Variants in PDE4D observed in about 807,000 individuals in gnomAD.
The protein encoded by PDE4D is phosphodiesterase 4D, also known as 3',5'-cyclic-AMP phosphodiesterase 4D.
PDE4D carries 24 observed loss-of-function variants against 87.4 expected under a neutral mutation model. That is an observed-to-expected ratio of 0.27 (90% confidence interval 0.20 to 0.39). PDE4D has a LOEUF of 0.39. Ranked by LOEUF, PDE4D falls within the 10% of genes least tolerant of loss-of-function variation. The pLI is 1.00. For missense variants in PDE4D, 714 were observed against 1,041.0 expected (o/e 0.69, Z 4.32); for synonymous variants, 384 against 383.2 (o/e 1.00, Z -0.02).
Position 59,561,851 on chromosome 5 carries a change from G to C in PDE4D, c.455+331317C>G, listed in dbSNP as rs369894747. ...GGAGGCTGAGGCCGGAGAATTGCTTGAACCCGGGAGGCAGATGTTGCAGTG... is the reference window on the plus strand; with the variant it reads ...GGAGGCTGAGGCCGGAGAATTGCTTCAACCCGGGAGGCAGATGTTGCAGTG... On this transcript the variant is annotated intron_variant, in intron 1 of 14. Coordinates refer to ENST00000340635, the MANE Select transcript of PDE4D (RefSeq NM_001104631.2). Among the ~76,000 whole-genome samples, 10 of 151,642 alleles carry C rather than the reference G, an allele frequency of 6.6e-5. No homozygotes were observed. The South Asian group carries it at 1.3e-3, about 19-fold the overall frequency.
At chr5:59,814,846 G>T (rs186424123) in intron 1 of PDE4D, among the ~76,000 whole-genome samples, 1 of 152,168 alleles carries the variant, frequency 6.6e-6, no homozygotes, top group East Asian at 1.9e-4. Flanking sequence ...AAAAAAAAAT[G>T]GGTTATGATG....
At chr5:59,874,997 G>A (rs2152740709) in intron 1 of PDE4D, among the ~76,000 whole-genome samples, 1 of 152,272 alleles carries the variant, frequency 6.6e-6, no homozygotes. Flanking sequence ...TCCAGGCAAT[G>A]CAGAAAAATC....
intron 1 of PDE4D, among the ~76,000 whole-genome samples, chr5:59,468,384 G>A (rs1801913788): frequency 6.6e-6 from 1 of 151,930 alleles, no homozygotes; most frequent in Non-Finnish European, 1.5e-5. Flanking sequence ...TCTACATCAG[G>A]CAGCTGCATT....
At chr5:60,417,051 C>T (rs1026502900) in intron 1 of PDE4D, among the ~76,000 whole-genome samples, 1 of 152,198 alleles carries the variant, frequency 6.6e-6, no homozygotes, top group African/African-American at 2.4e-5. Context: ...TGTCCAGACT[C>T]ATTTGTACTG....
chr5:60,227,489 G>T (rs1745252731), intron 1 of PDE4D, among the ~76,000 whole-genome samples: 1 of 150,996 alleles, frequency 6.6e-6, no homozygotes, highest in African/African-American at 2.4e-5. Context: ...TTGAACAAAT[G>T]ATTGTGTGAT....
At chr5:59,356,703 G>A in intron 1 of PDE4D, 1 of 1,428,242 alleles carries the variant, frequency 7.0e-7, no homozygotes, top group Non-Finnish European at 9.4e-7. Flanking sequence ...TTATTTGCAA[G>A]GGGCCTAAGG....
At chr5:59,500,423 C>A (rs1258627444) in intron 1 of PDE4D, among the ~76,000 whole-genome samples, 1 of 152,102 alleles carries the variant, frequency 6.6e-6, no homozygotes, top group African/African-American at 2.4e-5. Flanking sequence ...TACTATACAG[C>A]CATAAAAAGA....
At chr5:59,636,406 G>A (rs980312510) in intron 1 of PDE4D, among the ~76,000 whole-genome samples, 20 of 152,058 alleles carry the variant, frequency 1.3e-4, no homozygotes, top group Non-Finnish European at 2.4e-4. Context: ...GGAACCAAAA[G>A]AGAGCCCGTA....
chr5:60,197,094 T>G (rs144365858), intron 1 of PDE4D, among the ~76,000 whole-genome samples: 1 of 140,826 alleles, frequency 7.1e-6, no homozygotes. Context: ...GATAGATAGA[T>G]AGATAGATAG....
intron 1 of PDE4D, among the ~76,000 whole-genome samples, chr5:59,616,677 A>T (rs1375906629): frequency 1.3e-5 from 2 of 151,952 alleles, no homozygotes; most frequent in African/African-American, 4.8e-5. Context: ...AATAAAAGTA[A>T]ACTGCTAAAG....
At chr5:59,202,346 G>C (rs1459525286) in intron 2 of PDE4D, among the ~76,000 whole-genome samples, 1 of 151,590 alleles carries the variant, frequency 6.6e-6, no homozygotes, top group Non-Finnish European at 1.5e-5. Flanking sequence ...CGCCCGTTTT[G>C]ATCATTTTAA....
At chr5:59,050,068 A>G (rs1761301178) in intron 5 of PDE4D, among the ~76,000 whole-genome samples, 1 of 152,208 alleles carries the variant, frequency 6.6e-6, no homozygotes, top group Non-Finnish European at 1.5e-5. Context: ...GTTTGAGACC[A>G]GCCTGGCCAA....
intron 1 of PDE4D, among the ~76,000 whole-genome samples, chr5:59,564,887 G>A (rs1181072513): frequency 6.6e-6 from 1 of 152,168 alleles, no homozygotes; most frequent in Admixed American, 6.5e-5. Flanking sequence ...CTGGAGTGGG[G>A]TGAGAAGCTT....
intron 1 of PDE4D, among the ~76,000 whole-genome samples, chr5:60,420,734 G>A (rs765370310): frequency 1.8e-4 from 28 of 152,224 alleles, no homozygotes; most frequent in Non-Finnish European, 2.8e-4. Context: ...GGGAGCCAGC[G>A]CAGGGTGGGG....
In PDE4D at chr5:59,600,318, G is replaced by T. The variant is rs988713384; in HGVS notation, c.455+292850C>A. On this transcript the variant is annotated intron_variant, in intron 1 of 14. Transcript: ENST00000340635. ...TATATCTTCACAAGTTCTTGCTCAG[G>T]CATGAAAGGGTGCATTTTCTGCCTT... 3.9e-5 allele frequency among the ~76,000 whole-genome samples: 6 copies of T among 152,154 alleles called. No individual in the cohort carries two copies. In the East Asian group the frequency reaches 1.2e-3, roughly 29 times the overall value.
intron 2 of PDE4D, among the ~76,000 whole-genome samples, chr5:60,052,373 G>T (rs1770272783): frequency 6.6e-6 from 1 of 152,166 alleles, no homozygotes; most frequent in Non-Finnish European, 1.5e-5. Flanking sequence ...GGGATACAAG[G>T]CTGGTTCAAC....
intron 1 of PDE4D, among the ~76,000 whole-genome samples, chr5:59,394,116 T>C (rs1171012873): frequency 7.0e-6 from 1 of 143,074 alleles, no homozygotes; most frequent in African/African-American, 2.7e-5. Flanking sequence ...AAATATACTG[T>C]GTCGTTTGAG....
chr5:60,181,152 A>C (rs1027772321), intron 2 of PDE4D, among the ~76,000 whole-genome samples: 1 of 152,210 alleles, frequency 6.6e-6, no homozygotes, highest in Non-Finnish European at 1.5e-5. Context: ...CCAGGAAGAC[A>C]CTAAAAAATG....
intron 1 of PDE4D, among the ~76,000 whole-genome samples, chr5:59,369,013 G>A (rs154029): frequency 1 from 152,345 of 152,356 alleles, 76,167 homozygotes; most frequent in Non-Finnish European, 1. Context: ...ATAAATATGT[G>A]TCAAACATAA....
Sources: gnomAD v4.1 joint callset for allele counts (sites outside exome capture counted in the v4.1 genomes callset) on GRCh38, gnomAD v4.1.1 for gene constraint, MANE v1.5 for transcripts, NCBI Gene and HGNC (gene_info 2026-07-23, HGNC 2026-07-21) for gene names.